The following F13A1 variants were observed in gnomAD, a reference collection of about 807,000 sequenced individuals.
F13A1 encodes the protein coagulation factor XIII A chain.
In F13A1, 47 loss-of-function variants were observed where a neutral mutation model predicts 80.1. The ratio of observed to expected loss-of-function variants is 0.59; its 90% confidence interval spans 0.46 to 0.75. The LOEUF (loss-of-function observed/expected upper bound fraction) is 0.75. F13A1 is among the 30% of genes least tolerant of loss of function. The pLI is 0.00. For synonymous variants in F13A1, 349 were observed against 344.9 expected, an observed-to-expected ratio of 1.01 and a Z score of -0.13; for missense variants, 817 against 930.4, an observed-to-expected ratio of 0.88 and a Z score of 1.59.
At chr6:6,182,273 G>A (rs1021557047) in intron 10 of F13A1, 132 bp from the exon 11 acceptor site, 29 of 906,690 alleles carry the variant, frequency 3.2e-5, no homozygotes, top group Admixed American at 1.2e-4. Flanking sequence ...CATTGGATTC[G>A]TATCATAGGG....
At chr6:6,296,872 T>C (rs1230108577) in intron 3 of F13A1, among the ~76,000 whole-genome samples, 1 of 148,792 alleles carries the variant, frequency 6.7e-6, no homozygotes, top group African/African-American at 2.6e-5. Context: ...AGTATGATAT[T>C]GGCTGTGGGT....
At chr6:6,232,401 T>C (rs139077751) in intron 6 of F13A1, among the ~76,000 whole-genome samples, 1 of 152,218 alleles carries the variant, frequency 6.6e-6, no homozygotes, top group African/African-American at 2.4e-5. Context: ...CAGGAAAATA[T>C]CACAATCCTA....
intron 13 of F13A1, among the ~76,000 whole-genome samples, chr6:6,154,078 G>C (rs2151069067): frequency 6.7e-6 from 1 of 148,916 alleles, no homozygotes; most frequent in Admixed American, 6.8e-5. Context: ...TCTGAGGTCA[G>C]AGGAGCTGGA....
chr6:6,209,486 T>G (rs1277273877), intron 8 of F13A1, among the ~76,000 whole-genome samples: 2 of 152,134 alleles, frequency 1.3e-5, no homozygotes, highest in Non-Finnish European at 2.9e-5. Flanking sequence ...AACCCAGAAA[T>G]TCCACTCTAA....
intron 3 of F13A1, among the ~76,000 whole-genome samples, chr6:6,284,668 T>C (rs552892582): frequency 6.6e-6 from 1 of 152,160 alleles, no homozygotes; most frequent in Non-Finnish European, 1.5e-5. Flanking sequence ...GCCAGACACT[T>C]GATTCAGGGA....
chr6:6,199,736 A>G (rs1163859761), intron 8 of F13A1, among the ~76,000 whole-genome samples: 1 of 152,204 alleles, frequency 6.6e-6, no homozygotes, highest in Non-Finnish European at 1.5e-5. Flanking sequence ...ATAATTTAAG[A>G]AGAAGATCTA....
rs1757512386 is a variant in F13A1 at position 6,243,373 on chromosome 6, A to C, written c.798+4939T>G. ...CTAACTCTATCACCACCACCACCAA[A>C]CACCACCACCATTATCATATCATAT... On this transcript the variant is annotated intron_variant, in intron 6 of 14. Coordinates refer to ENST00000264870, the MANE Select transcript of F13A1 (RefSeq NM_000129.4). The surrounding 1 kb of genome is among the most constrained non-coding windows in gnomAD (Gnocchi z 4.2). Among the ~76,000 whole-genome samples, 1 of 151,384 alleles carries C rather than the reference A, an allele frequency of 6.6e-6. No individual in the cohort carries two copies. The highest frequency in any genetic ancestry group is 2.1e-4 in the South Asian group (1 of 4,770).
intron 2 of F13A1, among the ~76,000 whole-genome samples, chr6:6,314,848 A>G (rs975642132): frequency 2.8e-4 from 43 of 152,208 alleles, no homozygotes; most frequent in Non-Finnish European, 4.6e-4. Context: ...GGACAATAGC[A>G]TTTCTCAGTC....
At position 6,213,663 on chromosome 6, in the gene F13A1, A is replaced by G. The variant is rs1761665041; in HGVS notation, c.1112+8370T>C. Reference sequence around the variant, plus strand: ...AGCTAACATCATAATGACAGGATCAAATTCACACATGACAATATTAACTTT... The same window carrying G: ...AGCTAACATCATAATGACAGGATCAGATTCACACATGACAATATTAACTTT... On this transcript the variant is annotated intron_variant, in intron 8 of 14. Coordinates refer to ENST00000264870, the MANE Select transcript of F13A1 (RefSeq NM_000129.4). 2.0e-5 allele frequency among the ~76,000 whole-genome samples: 3 copies of G among 150,534 alleles called. No individual in the cohort carries two copies. In the South Asian group the frequency reaches 6.5e-4, roughly 32 times the overall value.
At chr6:6,213,395 T>C (rs1303690989) in intron 8 of F13A1, among the ~76,000 whole-genome samples, 1 of 152,064 alleles carries the variant, frequency 6.6e-6, no homozygotes, top group East Asian at 1.9e-4. Flanking sequence ...AAAGAAAGAA[T>C]TTTCAACCCC....
chr6:6,240,456 G>A (rs1742922), intron 6 of F13A1, among the ~76,000 whole-genome samples: 1 of 151,784 alleles, frequency 6.6e-6, no homozygotes, highest in Non-Finnish European at 1.5e-5. Flanking sequence ...TCATGTGACC[G>A]GGAGAGAGGA....
chr6:6,305,916 C>G (rs1438212390), intron 2 of F13A1, among the ~76,000 whole-genome samples: 2 of 152,174 alleles, frequency 1.3e-5, no homozygotes, highest in Non-Finnish European at 2.9e-5. Context: ...GTCACTGCCT[C>G]ACTCTGTGAC....
chr6:6,251,924 C>T (rs1308911357), intron 4 of F13A1, among the ~76,000 whole-genome samples: 1 of 152,020 alleles, frequency 6.6e-6, no homozygotes, highest in Admixed American at 6.6e-5. Context: ...GGATGAATGT[C>T]CTAGGAAGCA....
intron 8 of F13A1, among the ~76,000 whole-genome samples, chr6:6,204,753 T>C (rs1761456685): frequency 6.6e-6 from 1 of 152,246 alleles, no homozygotes; most frequent in African/African-American, 2.4e-5. Flanking sequence ...AAAGGAATTA[T>C]TCAGAGGAAA....
intron 8 of F13A1, 73 bp from the exon 9 acceptor site, chr6:6,197,399 G>T (rs1379931317): frequency 1.4e-6 from 2 of 1,428,090 alleles, no homozygotes; most frequent in Non-Finnish European, 2.0e-6. Context: ...AGAAGTGACG[G>T]CCAGGCACAG....
In F13A1 at chr6:6,174,608, C is replaced by T. The variant is rs559216222; in HGVS notation, c.1719G>A (p.Thr573=). The T allele has an allele frequency of 3.2e-5, 51 of 1,614,146 alleles. No individual in the cohort carries two copies. Among genetic ancestry groups the T allele is most frequent in the African/African-American group, 1.3e-4 (10 of 75,040 alleles). The change falls in exon 12 of 15, where the codon ACG becomes ACA. Residue 573 remains threonine (T), a synonymous_variant. Coordinates refer to ENST00000264870, the MANE Select transcript of F13A1 (RefSeq NM_000129.4). Reference sequence around the variant, plus strand: ...ACAAGGGCTCCAGCGTCACGTCGAACGTCTCCTTCTTGAATTCTGCCTTCG... The same window carrying T: ...ACAAGGGCTCCAGCGTCACGTCGAATGTCTCCTTCTTGAATTCTGCCTTCG... The part of the protein sequence containing the change: ...GVPKAEFKKE[T]FDVTLEPLSF...
Position 6,195,879 on chromosome 6 carries a change from T to C in F13A1, c.1223A>G (p.Tyr408Cys). 1 of 1,614,114 alleles carries C rather than the reference T, an allele frequency of 6.2e-7. No individual in the cohort carries two copies. The highest frequency in any genetic ancestry group is 8.5e-7 in the Non-Finnish European group (1 of 1,179,984). Residue 408 changes from tyrosine to cysteine, a missense_variant, in exon 10 of 15, where the codon TAT (tyrosine) becomes TGT (cysteine). Coordinates refer to ENST00000264870, the MANE Select transcript of F13A1 (RefSeq NM_000129.4). ...STPQENSDGM[Y>C]RCGPASVQAI... ...TTGAACCGAGGCGGGGCCACACCGA[T>C]ACATGCCTGCATTGCACAGAGGAAG... is the stretch of plus-strand genomic sequence containing the variant.
At chr6:6,294,573 A>AAC (rs574168007) in intron 3 of F13A1, among the ~76,000 whole-genome samples, 74 of 151,040 alleles carry the variant, frequency 4.9e-4, no homozygotes, top group South Asian at 2.9e-3. Context: ...TATATGTACA[A>AAC]ACACACACAC....
chr6:6,181,540 C>T (rs558409504), intron 11 of F13A1, among the ~76,000 whole-genome samples: 2 of 152,240 alleles, frequency 1.3e-5, no homozygotes, highest in Non-Finnish European at 2.9e-5. Context: ...GTATTATCTA[C>T]GTTGTAGTCT....
Sources: allele counts gnomAD v4.1 joint callset (sites outside exome capture counted in the v4.1 genomes callset), GRCh38; gene constraint gnomAD v4.1.1; non-coding constraint Gnocchi (gnomAD v3.1); transcripts MANE v1.5; gene names NCBI Gene and HGNC (gene_info 2026-07-23, HGNC 2026-07-21).